Variants in SFT2D1 observed in about 807,000 individuals in gnomAD.
SFT2D1 encodes the protein SFT2 domain containing 1.
Under a neutral mutation model 28.1 loss-of-function variants are expected in SFT2D1, and 24 were observed. The observed-to-expected ratio is 0.85, with a 90% CI of 0.62 to 1.20. The LOEUF is 1.20. SFT2D1 is among the 50% of genes most tolerant of loss of function. SFT2D1 has a pLI of 0.00. For missense variants in SFT2D1, 181 were observed against 190.9 expected (o/e 0.95, Z 0.31); for synonymous variants, 82 against 73.7 (o/e 1.11, Z -0.58).
chr6:166,337,809 C>G (rs1220965872), intron 1 of SFT2D1, among the ~76,000 whole-genome samples: 2 of 152,126 alleles, frequency 1.3e-5, no homozygotes, highest in South Asian at 4.1e-4. Flanking sequence ...CTTGTCTCAA[C>G]CTGTGTGCTA....
At chr6:166,337,582 C>T (rs1198036177) in intron 1 of SFT2D1, among the ~76,000 whole-genome samples, 1 of 152,006 alleles carries the variant, frequency 6.6e-6, no homozygotes, top group Non-Finnish European at 1.5e-5. Context: ...CTACACTCCC[C>T]CTAACCACCT....
At chr6:166,334,739 C>A in intron 1 of SFT2D1, 1 of 344,900 alleles carries the variant, frequency 2.9e-6, no homozygotes, top group East Asian at 6.6e-5. Context: ...GATCCAAGCA[C>A]CAAGCACTCT....
chr6:166,330,596 C>T (rs1778531783), intron 1 of SFT2D1, among the ~76,000 whole-genome samples: 1 of 152,222 alleles, frequency 6.6e-6, no homozygotes, highest in African/African-American at 2.4e-5. Flanking sequence ...GCAGATGCAA[C>T]AGGCCAGGCA....
At chr6:166,322,931 G>A in intron 6 of SFT2D1, 45 bp from the exon 7 acceptor site, 1 of 1,553,704 alleles carries the variant, frequency 6.4e-7, no homozygotes, top group Non-Finnish European at 8.9e-7. Context: ...CTGAATGATG[G>A]TTTTCCTTTA....
At chr6:166,331,710 A>G (rs1043224592) in intron 1 of SFT2D1, among the ~76,000 whole-genome samples, 3 of 152,258 alleles carry the variant, frequency 2.0e-5, no homozygotes, top group African/African-American at 4.8e-5. Flanking sequence ...AAAAAAATGG[A>G]GACACGCCCA....
intron 1 of SFT2D1, among the ~76,000 whole-genome samples, chr6:166,338,795 A>T (rs928856014): frequency 4.6e-5 from 7 of 151,740 alleles, no homozygotes; most frequent in Admixed American, 2.6e-4. Flanking sequence ...AATATGATCA[A>T]CTCTCTTAAG....
intron 5 of SFT2D1, 111 bp downstream of exon 5, chr6:166,326,021 G>A: frequency 1.9e-6 from 2 of 1,068,358 alleles, no homozygotes; most frequent in Non-Finnish European, 2.8e-6. Context: ...CTAATCTTTA[G>A]AGAGTTTTAA....
intron 1 of SFT2D1, among the ~76,000 whole-genome samples, chr6:166,336,120 G>C (rs973959984): frequency 6.6e-6 from 1 of 152,208 alleles, no homozygotes; most frequent in Non-Finnish European, 1.5e-5. Context: ...TGTAAAGTTA[G>C]TCTCCTCGGA....
At chr6:166,332,988 A>G (rs1778578357) in intron 1 of SFT2D1, among the ~76,000 whole-genome samples, 1 of 152,206 alleles carries the variant, frequency 6.6e-6, no homozygotes, top group Non-Finnish European at 1.5e-5. Flanking sequence ...TCGCCAGGAG[A>G]CAGCACAGCT....
At chr6:166,342,200 C>G (rs892942485) in intron 1 of SFT2D1, among the ~76,000 whole-genome samples, 3 of 150,768 alleles carry the variant, frequency 2.0e-5, no homozygotes, top group African/African-American at 7.3e-5. Context: ...ATGGGAGAGT[C>G]GGGGGGGGGC....
Position 166,320,114 on chromosome 6 carries a change from A to G in SFT2D1, c.*103T>C. The G allele has an allele frequency of 9.5e-7, 1 of 1,057,522 alleles. No individual in the cohort carries two copies. 65.5% of individuals were successfully genotyped at this position (1,057,522 alleles called of 1,614,324 possible). On this transcript the variant is annotated 3_prime_UTR_variant, in exon 8 of 8. Transcript: ENST00000361731. Reference sequence around the variant, plus strand: ...GAGACTTAGTACAAAACGGTCTTCAACTGTCACGTCAGTTGTTCCTGGAGT... The same window carrying G: ...GAGACTTAGTACAAAACGGTCTTCAGCTGTCACGTCAGTTGTTCCTGGAGT...
chr6:166,330,011 A>C, intron 2 of SFT2D1, 150 bp downstream of exon 2: 1 of 525,852 alleles, frequency 1.9e-6, no homozygotes, highest in Non-Finnish European at 3.3e-6. Context: ...ATTTTCATTG[A>C]TCTCTACCCC....
At chr6:166,320,612 C>A (rs188739142) in intron 7 of SFT2D1, among the ~76,000 whole-genome samples, 2 of 151,538 alleles carry the variant, frequency 1.3e-5, no homozygotes, top group African/African-American at 4.8e-5. Flanking sequence ...AGTGCAGTGG[C>A]GTGAGCAGAT....
chr6:166,320,257 C>G lies in SFT2D1; in HGVS notation c.441-1G>C. ...AGAACAGCATTTAATAACTGCATCCCTGGTGGAAAAGAGAGGGAAAAAAAC... is the reference window on the plus strand; with the variant it reads ...AGAACAGCATTTAATAACTGCATCCGTGGTGGAAAAGAGAGGGAAAAAAAC... On this transcript the variant is annotated splice_acceptor_variant, in intron 7 of 7. Coordinates refer to ENST00000361731, the MANE Select transcript of SFT2D1 (RefSeq NM_145169.3). LOFTEE classifies it high-confidence loss of function. 6.2e-7 allele frequency: 1 copy of G among 1,609,798 alleles called. No homozygotes were observed. The highest frequency in any genetic ancestry group is 8.5e-7 in the Non-Finnish European group (1 of 1,178,550).
chr6:166,330,109 A>G, intron 2 of SFT2D1, 52 bp downstream of exon 2: 1 of 1,346,838 alleles, frequency 7.4e-7, no homozygotes, highest in Non-Finnish European at 1.0e-6. Context: ...AAATGGAATT[A>G]TTAGTCTAAT....
chr6:166,342,496 G>GCCGCTA lies in SFT2D1; in HGVS notation c.-16_-15insTAGCGG, dbSNP rs1778808264. 1.9e-6 allele frequency: 3 copies of GCCGCTA among 1,544,004 alleles called. No individual in the cohort carries two copies. The highest frequency in any genetic ancestry group is 1.7e-4 in the Middle Eastern group (1 of 6,000). ...AGCTTCTCCATGGCCCTGTTACAGG[G>GCCGCTA]CCGTAGCGGCCGCCACTCTGTTGCC... On this transcript the variant is annotated 5_prime_UTR_variant, in exon 1 of 8. Coordinates refer to ENST00000361731, the MANE Select transcript of SFT2D1 (RefSeq NM_145169.3).
chr6:166,342,155 G>A (rs1778793816), intron 1 of SFT2D1, among the ~76,000 whole-genome samples: 1 of 152,150 alleles, frequency 6.6e-6, no homozygotes, highest in Non-Finnish European at 1.5e-5. Flanking sequence ...GAAAGCGAGG[G>A]CAGACGTTAG....
At chr6:166,340,137 G>C (rs1029182086) in intron 1 of SFT2D1, among the ~76,000 whole-genome samples, 7 of 152,182 alleles carry the variant, frequency 4.6e-5, no homozygotes, top group Non-Finnish European at 8.8e-5. Flanking sequence ...ACCATTTACA[G>C]AATCTGACCA....
chr6:166,328,151 A>G, intron 4 of SFT2D1, 125 bp downstream of exon 4: 1 of 416,358 alleles, frequency 2.4e-6, no homozygotes, highest in Non-Finnish European at 4.0e-6. Flanking sequence ...CTGAAACTTA[A>G]AGTATAATAA....
Sources: allele counts gnomAD v4.1 joint callset (sites outside exome capture counted in the v4.1 genomes callset), GRCh38; gene constraint gnomAD v4.1.1; transcripts MANE v1.5; gene names NCBI Gene and HGNC (gene_info 2026-07-23, HGNC 2026-07-21).